TMEM67: variants seen among roughly 807,000 people sequenced by gnomAD.
TMEM67 encodes the protein transmembrane protein 67, also known as meckelin.
TMEM67 carries 124 observed loss-of-function variants against 136.6 expected under a neutral mutation model. The ratio of observed to expected loss-of-function variants is 0.91; its 90% CI spans 0.78 to 1.05. TMEM67 has a LOEUF of 1.05. Among genes scored for constraint, TMEM67 ranks in the 50% least tolerant of loss-of-function variants. The probability of loss-of-function intolerance (pLI) is 0.00; values close to 1 mark genes in which losing one functional copy is unlikely to be tolerated. For missense variants in TMEM67, 1,107 were observed against 1,178.4 expected, an observed-to-expected ratio of 0.94 and a Z score of 0.89; for synonymous variants, 364 against 390.5, an observed-to-expected ratio of 0.93 and a Z score of 0.80.
chr8:93,803,899 C>T (rs867465037), intron 22 of TMEM67, among the ~76,000 whole-genome samples: 10 of 141,266 alleles, frequency 7.1e-5, no homozygotes, highest in East Asian at 4.1e-4. Flanking sequence ...TTTTTTGAAA[C>T]GGTCTTGCTC....
intron 13 of TMEM67, 87 bp downstream of exon 13, chr8:93,786,433 C>T: frequency 6.8e-7 from 1 of 1,463,206 alleles, no homozygotes; most frequent in Non-Finnish European, 9.5e-7. Flanking sequence ...ACAATAAGGA[C>T]AACTGAATTG....
downstream of TMEM67, among the ~76,000 whole-genome samples, chr8:93,824,025 T>G (rs1355506863): frequency 6.6e-6 from 1 of 152,258 alleles, no homozygotes; most frequent in Non-Finnish European, 1.5e-5. Flanking sequence ...GGTCTGCTCC[T>G]TGCTGGGGTC....
intron 26 of TMEM67, 124 bp downstream of exon 26, chr8:93,810,011 C>CA: frequency 1.7e-6 from 1 of 595,280 alleles, no homozygotes; most frequent in Non-Finnish European, 2.9e-6. Flanking sequence ...CTCTGTTGCC[C>CA]AGGCTGGAGT....
chr8:93,823,313 C>G (rs566133220), downstream of TMEM67, among the ~76,000 whole-genome samples: 2 of 152,224 alleles, frequency 1.3e-5, no homozygotes, highest in African/African-American at 4.8e-5. Flanking sequence ...ATAATTTTCC[C>G]CATTTCAAGA....
intron 6 of TMEM67, among the ~76,000 whole-genome samples, chr8:93,766,409 C>T (rs1460397800): frequency 5.9e-5 from 9 of 152,150 alleles, no homozygotes; most frequent in Non-Finnish European, 8.8e-5. Context: ...TGAGCCACTG[C>T]GCCCAGCCAG....
At chr8:93,765,846 T>C (rs1813060668) in intron 6 of TMEM67, among the ~76,000 whole-genome samples, 200 bp downstream of exon 6, 1 of 152,198 alleles carries the variant, frequency 6.6e-6, no homozygotes, top group Non-Finnish European at 1.5e-5. Flanking sequence ...AGCCTGTTTG[T>C]TTTTCAGTGC....
intron 7 of TMEM67, among the ~76,000 whole-genome samples, chr8:93,778,107 A>G (rs185871122): frequency 7.4e-4 from 112 of 152,296 alleles, no homozygotes; most frequent in African/African-American, 2.6e-3. Flanking sequence ...CCATTATGTA[A>G]TGCCCTTCTT....
the TMEM67 span, among the ~76,000 whole-genome samples, chr8:93,830,590 G>C: frequency 1.3e-5 from 2 of 152,206 alleles, no homozygotes; most frequent in Non-Finnish European, 2.9e-5. Context: ...AGAACTGATT[G>C]CTTGTTTGGT....
chr8:93,795,270 G>T, intron 16 of TMEM67, 139 bp from the exon 17 acceptor site: 2 of 773,682 alleles, frequency 2.6e-6, no homozygotes, highest in East Asian at 2.6e-5. Context: ...GGTCTTTATA[G>T]CTGGATCATA....
chr8:93,800,539 C>T (rs768450686), intron 21 of TMEM67, among the ~76,000 whole-genome samples: 6 of 152,082 alleles, frequency 3.9e-5, no homozygotes, highest in Non-Finnish European at 7.4e-5. Flanking sequence ...TTGCTTTATA[C>T]CTAATAATGT....
At position 93,786,336 on chromosome 8, in the gene TMEM67, A is replaced by G. The variant is rs1358779569; in HGVS notation, c.1402A>G (p.Ile468Val). 2 of 1,613,972 alleles carry G rather than the reference A, an allele frequency of 1.2e-6. No homozygotes were observed. The highest frequency in any genetic ancestry group is 1.1e-5 in the South Asian group (1 of 91,076). The part of the protein sequence containing the change: ...QPRVIRVATQ[I>V]SLSVHLVPNT... ...AAGAGTAATTCGAGTTGCTACTCAAATATCACTGAGGTAAACAAATGTCTA... is the reference window on the plus strand; with the variant it reads ...AAGAGTAATTCGAGTTGCTACTCAAGTATCACTGAGGTAAACAAATGTCTA... Residue 468 changes from isoleucine (I) to valine (V), a missense_variant, in exon 13 of 28, where the codon ATA becomes GTA. Physicochemically the swap from Ile to Val is conservative, Grantham distance 29. Coordinates refer to ENST00000453321, the MANE Select transcript of TMEM67 (RefSeq NM_153704.6).
chr8:93,785,919 A>AT, intron 12 of TMEM67: 1 of 344,476 alleles, frequency 2.9e-6, no homozygotes, highest in Non-Finnish European at 5.4e-6. Context: ...ACAAAAAAAA[A>AT]TTTAGCTTGG....
At chr8:93,796,816 T>A (rs1814641094) in intron 18 of TMEM67, among the ~76,000 whole-genome samples, 1 of 152,198 alleles carries the variant, frequency 6.6e-6, no homozygotes, top group Non-Finnish European at 1.5e-5. Flanking sequence ...TCTAGAATCT[T>A]TGGGAAAGAG....
chr8:93,781,116 A>G lies in TMEM67; in HGVS notation c.978+134A>G, dbSNP rs1202084366. The stretch of plus-strand genomic sequence containing the variant: ...ACTAAACTAAATATAAATGTCAACA[A>G]CTCATAAGAACTAAATAGTATAGAG... On this transcript the variant is annotated intron_variant, in intron 9 of 27. Coordinates refer to ENST00000453321, the MANE Select transcript of TMEM67 (RefSeq NM_153704.6). 4.4e-6 allele frequency: 3 copies of G among 675,484 alleles called. No homozygotes were observed. The Admixed American group carries it at 7.0e-5, about 16-fold the overall frequency. The allele number at this position is 675,484 out of a possible 1,614,324, so 41.8% of individuals were successfully genotyped here.
intron 17 of TMEM67, 81 bp from the exon 18 acceptor site, chr8:93,795,820 A>AT: frequency 8.3e-7 from 1 of 1,208,796 alleles, no homozygotes; most frequent in Middle Eastern, 1.9e-4. Flanking sequence ...CCAAAAAAAA[A>AT]CAAAAACGAA....
intron 26 of TMEM67, among the ~76,000 whole-genome samples, chr8:93,810,674 G>T (rs570655027): frequency 6.6e-6 from 1 of 152,022 alleles, no homozygotes; most frequent in African/African-American, 2.4e-5. Flanking sequence ...TTATTATGTC[G>T]TGTAGCAGGA....
chr8:93,779,087 G>A lies in TMEM67; in HGVS notation c.715-1506G>A, dbSNP rs183204836. Among the ~76,000 whole-genome samples the A allele has an allele frequency of 6.2e-3, 938 of 152,104 alleles. 7 individuals are homozygous for A. The highest frequency in any genetic ancestry group is 0.01 in the Middle Eastern group (3 of 294). Reference sequence around the variant, plus strand: ...CTTTTTTCTCTAACCTTGTCGTCTCGCTTTATTTCATTAATTTGATCTTCA... The same window carrying A: ...CTTTTTTCTCTAACCTTGTCGTCTCACTTTATTTCATTAATTTGATCTTCA... On this transcript the variant is annotated intron_variant, in intron 7 of 27. Transcript: ENST00000453321.
At chr8:93,788,744 T>C (rs1814236538) in intron 14 of TMEM67, among the ~76,000 whole-genome samples, 1 of 152,186 alleles carries the variant, frequency 6.6e-6, no homozygotes, top group South Asian at 2.1e-4. Flanking sequence ...AACTAGAGGA[T>C]GTAGTTTGGA....
At chr8:93,789,498 A>C (rs573907726) in intron 14 of TMEM67, among the ~76,000 whole-genome samples, 1 of 151,928 alleles carries the variant, frequency 6.6e-6, no homozygotes, top group Non-Finnish European at 1.5e-5. Context: ...ATACAAAATC[A>C]GCCAGGCATG....
Sources: gnomAD v4.1 joint callset for allele counts (sites outside exome capture counted in the v4.1 genomes callset) on GRCh38, gnomAD v4.1.1 for gene constraint, MANE v1.5 for transcripts, NCBI Gene and HGNC (gene_info 2026-07-23, HGNC 2026-07-21) for gene names.